TACC2: variants seen among roughly 807,000 people sequenced by gnomAD.
TACC2 encodes transforming acidic coiled-coil-containing protein 2.
Under a neutral mutation model 227.3 loss-of-function variants are expected in TACC2, and 137 were observed. The observed-to-expected ratio is 0.60, with a 90% CI of 0.52 to 0.69. The LOEUF (loss-of-function observed/expected upper bound fraction) is 0.69, where lower values mean the gene tolerates loss of function less well. TACC2 is among the 30% of genes least tolerant of loss of function. The pLI, the probability that TACC2 is intolerant of heterozygous loss-of-function variation, is 0.00. For synonymous variants in TACC2, 1,523 were observed against 1,487.5 expected, an observed-to-expected ratio of 1.02 and a Z score of -0.55; for missense variants, 3,470 against 3,694.4, an observed-to-expected ratio of 0.94 and a Z score of 1.57.
chr10:122,184,042 A>C (rs2094082721), intron 7 of TACC2, among the ~76,000 whole-genome samples: 1 of 152,170 alleles, frequency 6.6e-6, no homozygotes. Context: ...TGTTGTAAGG[A>C]TCAGTCATGA....
Position 122,085,539 on chromosome 10 carries a change from G to A in TACC2, c.3039G>A (p.Arg1013=). The change falls in exon 4 of 23, where the codon AGG becomes AGA. Residue 1013 remains arginine (R), a synonymous_variant. Coordinates refer to ENST00000369005, the MANE Select transcript of TACC2 (RefSeq NM_206862.4). ...GCCAGCATGAAGAAGCATGTCAAAG[G>A]CATCCAGGAGCTTCTGAAGCAGCTG... ...EGSQHEEACQ[R]HPGASEAADG... The A allele has an allele frequency of 4.3e-6, 7 of 1,613,358 alleles. No individual in the cohort carries two copies. Among genetic ancestry groups the A allele is most frequent in the Non-Finnish European group, 5.9e-6 (7 of 1,180,040 alleles).
intron 2 of TACC2, among the ~76,000 whole-genome samples, chr10:122,039,782 ACCAGT>A (rs751528757): frequency 1.3e-5 from 2 of 152,258 alleles, no homozygotes; most frequent in African/African-American, 2.4e-5. Flanking sequence ...TATCCTGCCA[ACCAGT>A]CACAGTGATT....
At chr10:122,043,444 T>C (rs1404228041) in intron 2 of TACC2, among the ~76,000 whole-genome samples, 2 of 108,336 alleles carry the variant, frequency 1.8e-5, no homozygotes, top group Admixed American at 2.1e-4. Flanking sequence ...ATTAGATTTC[T>C]TTCTTTCTTT....
intron 11 of TACC2, among the ~76,000 whole-genome samples, chr10:122,220,733 G>C (rs1754681055): frequency 1.3e-5 from 2 of 152,340 alleles, no homozygotes; most frequent in South Asian, 4.1e-4. Context: ...TAATTCTATA[G>C]GTAACAATAA....
Position 122,065,200 on chromosome 10 carries a change from T to C in TACC2, c.146+14650T>C, listed in dbSNP as rs2136533058. Among the ~76,000 whole-genome samples the C allele has an allele frequency of 2.0e-5, 3 of 152,336 alleles. No homozygotes were observed. In the Middle Eastern group the frequency reaches 0.01, roughly 518 times the overall value. The stretch of plus-strand genomic sequence containing the variant: ...TAATCACATTGTTGTTTGACCAGTG[T>C]CTCTGTAGTTTCTTAGCTGAGAAGC... On this transcript the variant is annotated intron_variant, in intron 3 of 22. Coordinates refer to ENST00000369005, the MANE Select transcript of TACC2 (RefSeq NM_206862.4).
chr10:122,132,588 C>A (rs1165626149), intron 5 of TACC2, 21 bp from the exon 6 acceptor site: 3 of 1,613,914 alleles, frequency 1.9e-6, no homozygotes, highest in Non-Finnish European at 8.5e-7. Flanking sequence ...AGTTTAGGTT[C>A]TTTCCCTTTT....
At chr10:121,995,793 C>T (rs965625478) in intron 1 of TACC2, among the ~76,000 whole-genome samples, 1 of 152,062 alleles carries the variant, frequency 6.6e-6, no homozygotes, top group African/African-American at 2.4e-5. Context: ...CTCGTTCTGT[C>T]GCCAGGCTGG....
At chr10:122,000,375 T>C (rs915769803) in intron 1 of TACC2, among the ~76,000 whole-genome samples, 14 of 151,798 alleles carry the variant, frequency 9.2e-5, no homozygotes, top group Non-Finnish European at 2.1e-4. Context: ...TGAGGCTCTG[T>C]CTCAAAAAAA....
chr10:122,123,355 C>T (rs577355002), intron 5 of TACC2, among the ~76,000 whole-genome samples: 1 of 152,300 alleles, frequency 6.6e-6, no homozygotes, highest in South Asian at 2.1e-4. Flanking sequence ...GCCTGGCCTG[C>T]AGGGATGCCA....
At chr10:122,003,075 C>T (rs915100241) in intron 1 of TACC2, among the ~76,000 whole-genome samples, 70 of 152,136 alleles carry the variant, frequency 4.6e-4, no homozygotes, top group African/African-American at 1.5e-3. Flanking sequence ...TAGTGGTGGG[C>T]ACCTGCAATC....
intron 2 of TACC2, among the ~76,000 whole-genome samples, chr10:122,046,440 C>G (rs2075012768): frequency 6.6e-6 from 1 of 152,016 alleles, no homozygotes; most frequent in Non-Finnish European, 1.5e-5. Context: ...CGCCACTGCA[C>G]TCCAGCCTGG....
At chr10:122,048,394 TTCCTTCCTTCCTCCCTCCCTC>T (rs1182185501) in intron 2 of TACC2, among the ~76,000 whole-genome samples, 13 of 136,496 alleles carry the variant, frequency 9.5e-5, no homozygotes, top group African/African-American at 2.9e-4. Context: ...TCTCCTCCCT[TTCCTTCCTTCCTCCCTCCCTC>T]CCTTCCTTCC....
chr10:122,065,976 A>G (rs1373470209), intron 3 of TACC2, among the ~76,000 whole-genome samples: 2 of 152,190 alleles, frequency 1.3e-5, no homozygotes, highest in African/African-American at 4.8e-5. Flanking sequence ...TTTGCATAGT[A>G]CATCTTCCCC....
chr10:122,029,078 C>G (rs955591690), intron 2 of TACC2, among the ~76,000 whole-genome samples: 24 of 140,264 alleles, frequency 1.7e-4, no homozygotes, highest in African/African-American at 6.0e-4. Flanking sequence ...TAAACAAGAG[C>G]GGTGAGAGGG....
intron 7 of TACC2, among the ~76,000 whole-genome samples, chr10:122,185,342 C>T (rs924600217): frequency 6.6e-6 from 1 of 152,054 alleles, no homozygotes; most frequent in African/African-American, 2.4e-5. Context: ...ATTACAGGCA[C>T]ATGCCACCAT....
chr10:122,238,070 G>A (rs1312466569), intron 18 of TACC2, 33 bp downstream of exon 18: 3 of 1,565,244 alleles, frequency 1.9e-6, no homozygotes, highest in African/African-American at 1.4e-5. Flanking sequence ...CCTCGTGCCT[G>A]AGGGATACTT....
At chr10:122,217,870 A>T (rs1281043717) in intron 11 of TACC2, among the ~76,000 whole-genome samples, 3 of 152,098 alleles carry the variant, frequency 2.0e-5, no homozygotes, top group African/African-American at 7.2e-5. Flanking sequence ...CACCTCTGTG[A>T]GGCTGCCCAG....
rs201513169 is a variant in TACC2, at chr10:122,083,242, G to A, written c.742G>A (p.Val248Met). Residue 248 changes from valine to methionine, a missense_variant, in exon 4 of 23, where the codon GTG (valine) becomes ATG (methionine). Around this residue, in one of 10 missense-constraint regions of TACC2, gnomAD observed 405 missense variants for 389.6 expected, o/e 1.04. Transcript: ENST00000369005. ...ESRQGVASVQ[V>M]TPEAPAAAQQ... ...CAGGCAGGGGGTGGCTTCTGTGCAA[G>A]TGACCCCTGAGGCCCCTGCTGCAGC... is the stretch of plus-strand genomic sequence containing the variant. The A allele has an allele frequency of 3.1e-6, 5 of 1,613,538 alleles. No homozygotes were observed. Among genetic ancestry groups the A allele is most frequent in the African/African-American group, 2.7e-5 (2 of 75,000 alleles).
intron 6 of TACC2, among the ~76,000 whole-genome samples, chr10:122,135,331 A>G (rs1489996378): frequency 6.6e-6 from 1 of 152,190 alleles, no homozygotes; most frequent in East Asian, 1.9e-4. Context: ...GTTACCTACA[A>G]CCCTGACCAA....
Sources: gnomAD v4.1 joint callset for allele counts (sites outside exome capture counted in the v4.1 genomes callset) on GRCh38, gnomAD v4.1.1 for gene constraint, gnomAD v4.1.1 regional missense constraint, MANE v1.5 for transcripts, NCBI Gene and HGNC (gene_info 2026-07-23, HGNC 2026-07-21) for gene names.